TLL1: variants seen among roughly 807,000 people sequenced by gnomAD.
The protein encoded by TLL1 is tolloid-like protein 1.
Under a neutral mutation model 128.2 loss-of-function variants are expected in TLL1, and 49 were observed. That is an observed-to-expected ratio of 0.38 (90% CI 0.30 to 0.48). The LOEUF is 0.48. Among genes scored for constraint, TLL1 ranks in the 20% least tolerant of loss-of-function variants. TLL1 has a pLI of 0.96. For synonymous variants in TLL1, 454 were observed against 418.8 expected (o/e 1.08, Z -1.03); for missense variants, 1,123 against 1,242.0 (o/e 0.90, Z 1.44).
intron 1 of TLL1, among the ~76,000 whole-genome samples, chr4:165,971,138 G>A (rs1735609893): frequency 6.6e-6 from 1 of 152,110 alleles, no homozygotes; most frequent in Non-Finnish European, 1.5e-5. Flanking sequence ...TTCTTCACTG[G>A]TAATCTATCA....
At chr4:165,938,809 A>G (rs7687601) in intron 1 of TLL1, among the ~76,000 whole-genome samples, 10,191 of 146,648 alleles carry the variant, frequency 0.069, 1,101 homozygotes, top group African/African-American at 0.23. Flanking sequence ...TCCTTTCTGT[A>G]GGTTTCCTCA....
rs114762833 is a variant in TLL1 at position 166,042,229 on chromosome 4, G to A, written c.1378+86G>A. 3.1e-3 allele frequency: 2,678 copies of A among 876,786 alleles called. 56 individuals carry two copies. The African/African-American group carries it at 0.039, about 13-fold the overall frequency. The allele number at this position is 876,786 out of a possible 1,614,324, so 54.3% of individuals were successfully genotyped here. A position where few individuals can be genotyped will look rare whatever the true frequency, so the allele number is the denominator to read the frequency against. The stretch of plus-strand genomic sequence containing the variant: ...CTTAATTTCATTACAATGACATTGT[G>A]ACCATATTGTAAAATTATGAATTTT... On this transcript the variant is annotated intron_variant, in intron 11 of 20. Transcript: ENST00000061240.
At chr4:166,098,473 C>T (rs898690630) in intron 19 of TLL1, among the ~76,000 whole-genome samples, 1 of 151,724 alleles carries the variant, frequency 6.6e-6, no homozygotes, top group Non-Finnish European at 1.5e-5. Flanking sequence ...GTGTATTTAC[C>T]TTGAGCAACA....
At chr4:165,883,733 T>G (rs1341712169) in intron 1 of TLL1, among the ~76,000 whole-genome samples, 1 of 152,190 alleles carries the variant, frequency 6.6e-6, no homozygotes, top group Non-Finnish European at 1.5e-5. Flanking sequence ...TTTCTTCCCA[T>G]GCGTAAAAAC....
chr4:166,059,394 G>A (rs1467347132), intron 14 of TLL1, among the ~76,000 whole-genome samples: 1 of 151,962 alleles, frequency 6.6e-6, no homozygotes, highest in Non-Finnish European at 1.5e-5. Context: ...AATTTAAATA[G>A]AACCTTTTAA....
chr4:165,952,766 G>A (rs550992533), intron 1 of TLL1, among the ~76,000 whole-genome samples: 1 of 152,086 alleles, frequency 6.6e-6, no homozygotes, highest in South Asian at 2.1e-4. Flanking sequence ...TATTATTGGT[G>A]GCTGGGGGGG....
intron 1 of TLL1, among the ~76,000 whole-genome samples, chr4:165,879,538 AT>A (rs1455198192): frequency 2.0e-5 from 3 of 152,328 alleles, no homozygotes; most frequent in Admixed American, 1.3e-4. Flanking sequence ...GGTAGGTAGT[AT>A]TAAGTGCTGA....
intron 1 of TLL1, among the ~76,000 whole-genome samples, chr4:165,886,080 C>T (rs929251599): frequency 4.6e-5 from 7 of 151,826 alleles, no homozygotes; most frequent in African/African-American, 1.5e-4. Flanking sequence ...TTCAAATCAT[C>T]GCCAAAGCAA....
chr4:165,889,578 C>T (rs1161151018), intron 1 of TLL1, among the ~76,000 whole-genome samples: 1 of 152,174 alleles, frequency 6.6e-6, no homozygotes, highest in Non-Finnish European at 1.5e-5. Flanking sequence ...CACAAGTTAC[C>T]TGTACTGACT....
intron 12 of TLL1, among the ~76,000 whole-genome samples, chr4:166,048,787 G>A (rs1043796098): frequency 2.0e-5 from 3 of 152,158 alleles, no homozygotes; most frequent in African/African-American, 7.2e-5. Flanking sequence ...AGTTCAAACG[G>A]TATTAAGTTT....
At position 165,994,499 on chromosome 4, in the gene TLL1, C is replaced by A. The variant is rs368300118; in HGVS notation, c.480C>A (p.Gly160=). 7 of 1,613,776 alleles carry A rather than the reference C, an allele frequency of 4.3e-6. No individual in the cohort carries two copies. Among genetic ancestry groups the A allele is most frequent in the Non-Finnish European group, 5.1e-6 (6 of 1,179,928 alleles). The change falls in exon 4 of 21, where the codon GGC becomes GGA. Residue 160 remains glycine (G), a synonymous_variant. Transcript: ENST00000061240. ...TSRTERIWPG[G]VIPYVIGGNF... ...GAACGGAAAGAATATGGCCTGGAGG[C>A]GTTATTCCTTATGTTATAGGAGGAA...
chr4:166,030,596 A>T, intron 9 of TLL1: 3 of 579,330 alleles, frequency 5.2e-6, no homozygotes, highest in Non-Finnish European at 8.3e-6. Flanking sequence ...AATGACATGA[A>T]GTTTTTACCC....
chr4:166,101,264 G>T lies in TLL1; in HGVS notation c.*388G>T. The T allele has an allele frequency of 3.6e-6, 1 of 278,952 alleles. No homozygotes were observed. The highest frequency in any genetic ancestry group is 6.9e-6 in the Non-Finnish European group (1 of 144,916). 17.3% of individuals were successfully genotyped at this position (278,952 alleles called of 1,614,324 possible). A position where few individuals can be genotyped will look rare whatever the true frequency, so the allele number is the denominator to read the frequency against. ...GGGACATAAAATGATCTTGCAGGTC[G>T]TAAACTGGAAAACAGTATTTTGGTT... On this transcript the variant is annotated 3_prime_UTR_variant, in exon 21 of 21. Transcript: ENST00000061240.
chr4:166,001,794 C>CA (rs11307532), intron 5 of TLL1, among the ~76,000 whole-genome samples: 79 of 131,828 alleles, frequency 6.0e-4, no homozygotes, highest in Middle Eastern at 3.8e-3. Flanking sequence ...AACTCCATCT[C>CA]AAAAAAAAAA....
intron 2 of TLL1, among the ~76,000 whole-genome samples, chr4:165,990,136 G>T (rs920422726): frequency 4.6e-5 from 7 of 151,880 alleles, no homozygotes; most frequent in African/African-American, 1.4e-4. Flanking sequence ...ATATGTAAAA[G>T]ATTATTTCAG....
chr4:165,990,149 C>A (rs145229722), intron 2 of TLL1, among the ~76,000 whole-genome samples: 169 of 151,772 alleles, frequency 1.1e-3, no homozygotes, highest in African/African-American at 3.8e-3. Context: ...TATTTCAGTT[C>A]TCATTTAACA....
At chr4:166,040,160 T>A (rs1176378124) in intron 10 of TLL1, among the ~76,000 whole-genome samples, 2 of 152,230 alleles carry the variant, frequency 1.3e-5, no homozygotes, top group Non-Finnish European at 2.9e-5. Flanking sequence ...AGATTGTAAC[T>A]TTTTCTTTAC....
At chr4:166,029,512 G>GT (rs1359905698) in intron 9 of TLL1, among the ~76,000 whole-genome samples, 2 of 151,828 alleles carry the variant, frequency 1.3e-5, no homozygotes, top group African/African-American at 4.8e-5. Context: ...TATTATTGTG[G>GT]TAAAAACTAC....
intron 1 of TLL1, among the ~76,000 whole-genome samples, chr4:165,989,167 G>A (rs1394371134): frequency 6.6e-6 from 1 of 151,864 alleles, no homozygotes; most frequent in Admixed American, 6.6e-5. Flanking sequence ...CTCTCCACAA[G>A]CAACAATGTA....
Sources: allele counts gnomAD v4.1 joint callset (sites outside exome capture counted in the v4.1 genomes callset), GRCh38; gene constraint gnomAD v4.1.1; transcripts MANE v1.5; gene names NCBI Gene and HGNC (gene_info 2026-07-23, HGNC 2026-07-21).